Variants in STAB2 observed in about 807,000 individuals in gnomAD.
STAB2 encodes stabilin 2.
Under a neutral mutation model 338.1 loss-of-function variants are expected in STAB2, and 288 were observed. The observed-to-expected ratio is 0.85, with a 90% CI of 0.77 to 0.94. The LOEUF is 0.94. Ranked by LOEUF, STAB2 falls within the 40% of genes least tolerant of loss-of-function variation. The pLI is 0.00. For synonymous variants in STAB2, 1,202 were observed against 1,193.3 expected (o/e 1.01, Z -0.15); for missense variants, 3,141 against 3,210.1 (o/e 0.98, Z 0.52).
intron 17 of STAB2, among the ~76,000 whole-genome samples, chr12:103,661,725 CAG>C (rs1874637428): frequency 6.6e-6 from 1 of 152,118 alleles, no homozygotes; most frequent in African/African-American, 2.4e-5. Context: ...GGGGAACAAA[CAG>C]TGTGAATATC....
intron 25 of STAB2, among the ~76,000 whole-genome samples, chr12:103,678,544 T>G (rs993707316): frequency 6.6e-6 from 1 of 152,206 alleles, no homozygotes; most frequent in Non-Finnish European, 1.5e-5. Context: ...TTTTATTTTT[T>G]GAGATGGAGT....
intron 2 of STAB2, chr12:103,592,068 A>C (rs1956807109): frequency 6.6e-6 from 1 of 152,214 alleles, no homozygotes; most frequent in Non-Finnish European, 1.5e-5. Context: ...TTTAAATAAA[A>C]GTTTCCCAGC....
chr12:103,668,944 A>G, intron 20 of STAB2: 1 of 499,136 alleles, frequency 2.0e-6, no homozygotes, highest in Non-Finnish European at 3.6e-6. Flanking sequence ...CTTAACACAG[A>G]TCACACTCTT....
chr12:103,688,932 T>C (rs1472861544), intron 28 of STAB2, among the ~76,000 whole-genome samples: 1 of 152,160 alleles, frequency 6.6e-6, no homozygotes, highest in Non-Finnish European at 1.5e-5. Flanking sequence ...GGTACAGTCA[T>C]TTTGGTATCT....
chr12:103,757,238 A>G (rs946805719), intron 63 of STAB2, among the ~76,000 whole-genome samples: 5 of 151,306 alleles, frequency 3.3e-5, no homozygotes, highest in African/African-American at 1.2e-4. Flanking sequence ...ACAGGCACAC[A>G]CCACCACACT....
At chr12:103,759,803 T>C (rs541421265) in intron 65 of STAB2, among the ~76,000 whole-genome samples, 1 of 152,312 alleles carries the variant, frequency 6.6e-6, no homozygotes, top group African/African-American at 2.4e-5. Context: ...GAGAATTAAA[T>C]AGACATACGA....
chr12:103,763,212 G>A (rs534226642), intron 67 of STAB2: 77 of 340,826 alleles, frequency 2.3e-4, no homozygotes, highest in African/African-American at 1.5e-3. Context: ...TGGGTGGCAG[G>A]CACCAGCAGG....
intron 9 of STAB2, among the ~76,000 whole-genome samples, chr12:103,644,464 C>T (rs1873181806): frequency 6.6e-6 from 1 of 150,694 alleles, no homozygotes; most frequent in Non-Finnish European, 1.5e-5. Flanking sequence ...GCTGACCCTC[C>T]CTCCACTATT....
intron 9 of STAB2, among the ~76,000 whole-genome samples, chr12:103,641,552 A>G (rs1872929715): frequency 6.6e-6 from 1 of 152,212 alleles, no homozygotes; most frequent in South Asian, 2.1e-4. Context: ...CAACACACAT[A>G]TGCATCCAGG....
intron 21 of STAB2, 41 bp downstream of exon 21, chr12:103,669,668 A>G: frequency 1.3e-6 from 2 of 1,575,866 alleles, no homozygotes; most frequent in South Asian, 1.1e-5. Flanking sequence ...CAAATCAAAC[A>G]ATAATTTTTA....
At chr12:103,625,938 A>T (rs1224197438) in intron 5 of STAB2, among the ~76,000 whole-genome samples, 1 of 152,266 alleles carries the variant, frequency 6.6e-6, no homozygotes, top group South Asian at 2.1e-4. Flanking sequence ...CGCCACACTG[A>T]CTTCCACAAT....
intron 45 of STAB2, among the ~76,000 whole-genome samples, chr12:103,725,550 G>A (rs1224578456): frequency 1.3e-5 from 2 of 152,078 alleles, no homozygotes; most frequent in African/African-American, 4.8e-5. Flanking sequence ...GTGTGCGTGT[G>A]CATGTGTGCG....
At chr12:103,711,270 T>A (rs1331933825) in intron 39 of STAB2, 6 of 621,676 alleles carry the variant, frequency 9.7e-6, no homozygotes, top group Non-Finnish European at 1.7e-5. Context: ...GAAGACACCA[T>A]CAATGTATTT....
intron 48 of STAB2, among the ~76,000 whole-genome samples, chr12:103,729,241 T>G (rs1416135513): frequency 1.3e-5 from 2 of 152,170 alleles, no homozygotes; most frequent in South Asian, 2.1e-4. Context: ...GAAAAATAAC[T>G]AATAGGTACT....
intron 21 of STAB2, 64 bp from the exon 22 acceptor site, chr12:103,670,632 A>G (rs1875675773): frequency 3.9e-6 from 5 of 1,294,566 alleles, no homozygotes; most frequent in East Asian, 2.4e-5. Context: ...AAGTCAGGCC[A>G]TGAAATGAAA....
At chr12:103,763,155 T>C (rs938504387) in intron 67 of STAB2, among the ~76,000 whole-genome samples, 1 of 152,172 alleles carries the variant, frequency 6.6e-6, no homozygotes, top group East Asian at 1.9e-4. Context: ...AGTTAAAGGA[T>C]AGGCAACACC....
At chr12:103,709,740 A>G (rs1243196896) in intron 39 of STAB2, among the ~76,000 whole-genome samples, 1 of 152,228 alleles carries the variant, frequency 6.6e-6, no homozygotes, top group African/African-American at 2.4e-5. Flanking sequence ...CCAAAGAAAT[A>G]TCCCAGAGCA....
At chr12:103,638,260 C>G (rs776261367) in intron 8 of STAB2, 48 bp downstream of exon 8, 12 of 1,557,410 alleles carry the variant, frequency 7.7e-6, no homozygotes, top group Non-Finnish European at 9.6e-6. Context: ...TTTGACAAGC[C>G]ACTATGTGTC....
At chr12:103,765,569 G>A (rs1593365351) in intron 68 of STAB2, among the ~76,000 whole-genome samples, 1 of 152,326 alleles carries the variant, frequency 6.6e-6, no homozygotes, top group South Asian at 2.1e-4. Context: ...CACCTCTAGA[G>A]TGTGGCCTTT....
Sources: allele counts gnomAD v4.1 joint callset (sites outside exome capture counted in the v4.1 genomes callset), GRCh38; gene constraint gnomAD v4.1.1; transcripts MANE v1.5; gene names NCBI Gene and HGNC (gene_info 2026-07-23, HGNC 2026-07-21).